The following KCNT2 variants were observed in gnomAD, a reference collection of about 807,000 sequenced individuals.
The protein encoded by KCNT2 is potassium channel subfamily T member 2.
KCNT2 carries 67 observed loss-of-function variants against 153.8 expected under a neutral mutation model. The ratio of observed to expected loss-of-function variants is 0.44; its 90% confidence interval spans 0.36 to 0.53. KCNT2 has a LOEUF of 0.53. Among genes scored for constraint, KCNT2 ranks in the 20% least tolerant of loss-of-function variants. The pLI is 0.00. For missense variants in KCNT2, 975 were observed against 1,354.8 expected (o/e 0.72, Z 4.40); for synonymous variants, 500 against 458.8 (o/e 1.09, Z -1.15).
At chr1:196,341,708 T>C (rs1189358904) in intron 15 of KCNT2, among the ~76,000 whole-genome samples, 1 of 152,080 alleles carries the variant, frequency 6.6e-6, no homozygotes, top group Non-Finnish European at 1.5e-5. Flanking sequence ...TCAGAGATTT[T>C]TTTTTCAAAT....
chr1:196,508,624 C>A (rs955509584), intron 1 of KCNT2, among the ~76,000 whole-genome samples: 1 of 151,958 alleles, frequency 6.6e-6, no homozygotes, highest in Non-Finnish European at 1.5e-5. Flanking sequence ...AAACATGTAA[C>A]CAAAAGGTGC....
chr1:196,319,059 C>T (rs1663022704), intron 20 of KCNT2, among the ~76,000 whole-genome samples: 1 of 151,686 alleles, frequency 6.6e-6, no homozygotes, highest in African/African-American at 2.4e-5. Flanking sequence ...CCAAAGTAAA[C>T]TCTAAAGGAA....
chr1:196,282,419 G>T, intron 23 of KCNT2, 63 bp from the exon 24 acceptor site: 1 of 782,142 alleles, frequency 1.3e-6, no homozygotes, highest in Non-Finnish European at 2.2e-6. Flanking sequence ...TATGAGATGT[G>T]TAGAACAGCT....
At chr1:196,334,184 T>C in intron 16 of KCNT2, 124 bp from the exon 17 acceptor site, 1 of 617,016 alleles carries the variant, frequency 1.6e-6, no homozygotes, top group Non-Finnish European at 2.8e-6. Context: ...AGTATATATT[T>C]ATGCGTGTGG....
intron 13 of KCNT2, among the ~76,000 whole-genome samples, chr1:196,379,391 C>T (rs576426127): frequency 1.3e-5 from 2 of 151,982 alleles, no homozygotes; most frequent in African/African-American, 2.4e-5. Context: ...GCCAACATGG[C>T]AAAACCCAGT....
intron 8 of KCNT2, among the ~76,000 whole-genome samples, chr1:196,449,809 T>C (rs1306239135): frequency 6.6e-6 from 1 of 151,204 alleles, no homozygotes; most frequent in Non-Finnish European, 1.5e-5. Context: ...AAGGCACTAA[T>C]AAAGAAAAAA....
intron 14 of KCNT2, among the ~76,000 whole-genome samples, chr1:196,367,687 C>T (rs949368624): frequency 2.6e-5 from 4 of 152,238 alleles, no homozygotes; most frequent in Admixed American, 1.3e-4. Flanking sequence ...ATGACAGAAA[C>T]TGTATTGACT....
At chr1:196,421,081 G>C (rs1020079734) in intron 12 of KCNT2, among the ~76,000 whole-genome samples, 5 of 151,976 alleles carry the variant, frequency 3.3e-5, no homozygotes, top group Admixed American at 2.6e-4. Context: ...TTTGTTTCCT[G>C]TCTCAACTTA....
At chr1:196,578,646 C>A (rs142328759) in intron 1 of KCNT2, among the ~76,000 whole-genome samples, 1 of 152,068 alleles carries the variant, frequency 6.6e-6, no homozygotes, top group Non-Finnish European at 1.5e-5. Flanking sequence ...TACAATTAAG[C>A]CTCTAGAAGA....
intron 1 of KCNT2, among the ~76,000 whole-genome samples, chr1:196,594,647 A>G (rs1375560696): frequency 6.6e-6 from 1 of 152,140 alleles, no homozygotes; most frequent in African/African-American, 2.4e-5. Flanking sequence ...AAATAATGGC[A>G]TGTAGAATAT....
intron 26 of KCNT2, among the ~76,000 whole-genome samples, chr1:196,239,883 CA>C (rs1654792776): frequency 6.6e-6 from 1 of 151,910 alleles, no homozygotes; most frequent in Admixed American, 6.6e-5. Context: ...CTGGTGTCCA[CA>C]TTAGAAGAAG....
At chr1:196,405,023 A>G (rs1277338807) in intron 12 of KCNT2, among the ~76,000 whole-genome samples, 1 of 151,586 alleles carries the variant, frequency 6.6e-6, no homozygotes, top group African/African-American at 2.4e-5. Flanking sequence ...CAGAACAAAC[A>G]TCAGTAATTT....
intron 8 of KCNT2, among the ~76,000 whole-genome samples, chr1:196,451,729 A>G (rs537908385): frequency 6.6e-6 from 1 of 151,890 alleles, no homozygotes; most frequent in African/African-American, 2.4e-5. Context: ...TAGTTCCTTC[A>G]TGTTTAGGGG....
intron 5 of KCNT2, among the ~76,000 whole-genome samples, chr1:196,474,372 T>C (rs190996637): frequency 1.3e-3 from 193 of 152,332 alleles, no homozygotes; most frequent in Non-Finnish European, 2.4e-3. Flanking sequence ...TGGTAATTTG[T>C]CTTCTTTGGA....
chr1:196,484,338 A>T (rs1455799819), intron 3 of KCNT2, among the ~76,000 whole-genome samples: 1 of 151,452 alleles, frequency 6.6e-6, no homozygotes, highest in African/African-American at 2.4e-5. Context: ...TGAGAATTGT[A>T]TGTTCATAAA....
At chr1:196,463,891 G>A (rs892565437) in intron 8 of KCNT2, among the ~76,000 whole-genome samples, 6 of 151,600 alleles carry the variant, frequency 4.0e-5, no homozygotes, top group Non-Finnish European at 8.8e-5. Context: ...CAGAACAAAA[G>A]TACTGCTAAA....
intron 1 of KCNT2, among the ~76,000 whole-genome samples, chr1:196,523,668 C>T (rs1374848230): frequency 6.6e-6 from 1 of 152,074 alleles, no homozygotes; most frequent in African/African-American, 2.4e-5. Context: ...TATTGGGTCT[C>T]AAAGCATCTG....
At chr1:196,267,552 A>T (rs1230805997) in intron 25 of KCNT2, among the ~76,000 whole-genome samples, 1 of 152,140 alleles carries the variant, frequency 6.6e-6, no homozygotes, top group Non-Finnish European at 1.5e-5. Context: ...AATCTCTCCA[A>T]ATTGCAATTA....
intron 22 of KCNT2, among the ~76,000 whole-genome samples, chr1:196,289,962 A>G (rs1350012401): frequency 1.3e-5 from 2 of 152,052 alleles, no homozygotes; most frequent in Non-Finnish European, 2.9e-5. Flanking sequence ...ATTATCATGA[A>G]CATGTGCCTT....
Sources: gnomAD v4.1 joint callset for allele counts (sites outside exome capture counted in the v4.1 genomes callset) on GRCh38, gnomAD v4.1.1 for gene constraint, MANE v1.5 for transcripts, NCBI Gene and HGNC (gene_info 2026-07-23, HGNC 2026-07-21) for gene names.